SLC18A2: variants seen among roughly 807,000 people sequenced by gnomAD.
The protein encoded by SLC18A2 is solute carrier family 18 member A2, also known as synaptic vesicular amine transporter.
Under a neutral mutation model 59.2 loss-of-function variants are expected in SLC18A2, and 33 were observed. The ratio of observed to expected loss-of-function variants is 0.56; its 90% CI spans 0.42 to 0.75. SLC18A2 has a LOEUF of 0.75. Ranked by LOEUF, SLC18A2 falls within the 30% of genes least tolerant of loss-of-function variation. The pLI is 0.00. For synonymous variants in SLC18A2, 228 were observed against 253.5 expected (o/e 0.90, Z 0.95); for missense variants, 569 against 668.6 (o/e 0.85, Z 1.64).
chr10:117,241,676 C>T lies in SLC18A2; in HGVS notation c.-15-3C>T. 1 of 1,564,628 alleles carries T rather than the reference C, an allele frequency of 6.4e-7. No individual in the cohort carries two copies. Among genetic ancestry groups the T allele is most frequent in the Non-Finnish European group, 8.6e-7 (1 of 1,157,682 alleles). ...GGGTCCTCACCGCGCACCGCGCCCG[C>T]AGCGGAGCCCCGGAGCCATGGCCCT... On this transcript the variant is annotated splice_region_variant and splice_polypyrimidine_tract_variant and intron_variant, in intron 1 of 15. Transcript: ENST00000644641.
At chr10:117,260,875 C>T (rs769333056) in intron 10 of SLC18A2, among the ~76,000 whole-genome samples, 1 of 152,202 alleles carries the variant, frequency 6.6e-6, no homozygotes, top group Non-Finnish European at 1.5e-5. Context: ...CCTCAGAAAG[C>T]ACATCTGGAC....
chr10:117,264,088 C>T (rs1209709774), intron 10 of SLC18A2, among the ~76,000 whole-genome samples: 2 of 152,224 alleles, frequency 1.3e-5, no homozygotes, highest in African/African-American at 2.4e-5. Context: ...CATCTCCCCG[C>T]AGGCTTCGTG....
chr10:117,250,997 GC>G (rs1439262001), intron 3 of SLC18A2, among the ~76,000 whole-genome samples: 6 of 152,188 alleles, frequency 3.9e-5, no homozygotes. Flanking sequence ...CAGTGTTTCT[GC>G]CTACAGTCTG....
intron 10 of SLC18A2, among the ~76,000 whole-genome samples, chr10:117,265,378 T>C (rs1282013327): frequency 6.6e-6 from 1 of 152,122 alleles, no homozygotes; most frequent in Non-Finnish European, 1.5e-5. Context: ...CCAGGCCCCA[T>C]GCATTTTGAG....
intron 10 of SLC18A2, among the ~76,000 whole-genome samples, chr10:117,262,141 G>C (rs1007439086): frequency 6.6e-6 from 1 of 152,118 alleles, no homozygotes; most frequent in Non-Finnish European, 1.5e-5. Context: ...TCCTGACTTC[G>C]TGATCCCCCT....
intron 9 of SLC18A2, among the ~76,000 whole-genome samples, chr10:117,256,352 T>C (rs1197899357): frequency 6.6e-6 from 1 of 152,118 alleles, no homozygotes; most frequent in East Asian, 1.9e-4. Flanking sequence ...CAGCCTTGTG[T>C]AGGTGTTGCT....
In SLC18A2 at chr10:117,255,496, C is replaced by G; in HGVS notation, c.808C>G (p.Leu270Val). 3 of 1,614,098 alleles carry G rather than the reference C, an allele frequency of 1.9e-6. No individual in the cohort carries two copies. Among genetic ancestry groups the G allele is most frequent in the Non-Finnish European group, 2.5e-6 (3 of 1,180,044 alleles). ...LLDGAIQLFV[L>V]QPSRVQPESQ... is the part of the protein sequence containing the mutation. ...TTTTTTAGCTATTCAGCTCTTTGTG[C>G]TCCAGCCGTCCCGGGTGCAGCCAGA... The change falls in exon 8 of 16, where the codon CTC becomes GTC. Residue 270 changes from leucine to valine, a missense_variant. Physicochemically the swap from Leu to Val is conservative, Grantham distance 32 (BLOSUM62 1). Around this residue, in one of 2 missense-constraint regions of SLC18A2, gnomAD observed 377 missense variants for 389.8 expected, o/e 0.97. Transcript: ENST00000644641.
rs944229823 is a variant in SLC18A2, at chr10:117,278,744, T to G, written c.*1478T>G. ...TCTAGGAAAGTAACACTTCGTTTCA[T>G]GAAGCTTTTCTGTGGGGCTTCGATT... On this transcript the variant is annotated 3_prime_UTR_variant, in exon 16 of 16. Transcript: ENST00000644641. 1.4e-4 allele frequency: 21 copies of G among 152,248 alleles called. No homozygotes were observed. The highest frequency in any genetic ancestry group is 5.1e-4 in the African/African-American group (21 of 41,466). 9.4% of individuals were successfully genotyped at this position (152,248 alleles called of 1,614,324 possible).
intron 12 of SLC18A2, chr10:117,267,247 T>C (rs363268): frequency 1.8e-6 from 1 of 558,412 alleles, no homozygotes; most frequent in East Asian, 3.0e-5. Context: ...ATTTAAAATG[T>C]TTTATTTCAC....
At position 117,277,290 on chromosome 10, in the gene SLC18A2, A is replaced by C. The variant is rs1326765354; in HGVS notation, c.*24A>C. ...GAGATGAGATCCTCAAAAATCATCA[A>C]AGTGTTTAATTGTATAAAACAGTGT... On this transcript the variant is annotated 3_prime_UTR_variant, in exon 16 of 16. Transcript: ENST00000644641. 2 of 1,422,628 alleles carry C rather than the reference A, an allele frequency of 1.4e-6. No homozygotes were observed. The highest frequency in any genetic ancestry group is 2.8e-5 in the African/African-American group (2 of 71,130). 88.1% of individuals were successfully genotyped at this position (1,422,628 alleles called of 1,614,324 possible).
At chr10:117,262,447 G>A (rs984544506) in intron 10 of SLC18A2, among the ~76,000 whole-genome samples, 4 of 152,170 alleles carry the variant, frequency 2.6e-5, no homozygotes, top group African/African-American at 7.2e-5. Flanking sequence ...ATCTGACACC[G>A]AGTCAGCAAA....
Position 117,277,240 on chromosome 10 carries a change from G to A in SLC18A2, c.1519G>A (p.Glu507Lys). ...QNNIQSYPIG[E>K]DEESESD is the part of the protein sequence containing the mutation. ...TAATATCCAGTCATATCCGATAGGTGAAGATGAAGAATCTGAAAGTGACTG... is the reference window on the plus strand; with the variant it reads ...TAATATCCAGTCATATCCGATAGGTAAAGATGAAGAATCTGAAAGTGACTG... Residue 507 changes from glutamate to lysine, a missense_variant, in exon 16 of 16, where the codon GAA becomes AAA. Coordinates refer to ENST00000644641, the MANE Select transcript of SLC18A2 (RefSeq NM_003054.6). 1.2e-6 allele frequency: 2 copies of A among 1,608,126 alleles called. No individual in the cohort carries two copies. Among genetic ancestry groups the A allele is most frequent in the Non-Finnish European group, 1.7e-6 (2 of 1,175,568 alleles).
Position 117,259,463 on chromosome 10 carries a change from C to T in SLC18A2, c.991+1571C>T, listed in dbSNP as rs150845494. ...TCTTCTGTTTCCTGTATTCCTTGCCCTTGACTGACTTCCTCCTTATTGCAG... is the reference window on the plus strand; with the variant it reads ...TCTTCTGTTTCCTGTATTCCTTGCCTTTGACTGACTTCCTCCTTATTGCAG... On this transcript the variant is annotated intron_variant, in intron 10 of 15. Coordinates refer to ENST00000644641, the MANE Select transcript of SLC18A2 (RefSeq NM_003054.6). Among the ~76,000 whole-genome samples, 7 of 152,296 alleles carry T rather than the reference C, an allele frequency of 4.6e-5. No individual in the cohort carries two copies. In the East Asian group the frequency reaches 7.7e-4, roughly 17 times the overall value.
chr10:117,270,460 A>C lies in SLC18A2; in HGVS notation c.1437A>C (p.Lys479Asn). ...GAAGTCCACCTGCCAAAGAAGAAAA[A>C]ATGGTAAGAAAAATTTAGGATGCAG... Reference protein sequence around the residue: ...FLRSPPAKEEKMAILMDHNCP... With the variant: ...FLRSPPAKEENMAILMDHNCP... The change falls in exon 15 of 16, where the codon AAA becomes AAC. Residue 479 changes from lysine (K) to asparagine (N), a missense_variant. Coordinates refer to ENST00000644641, the MANE Select transcript of SLC18A2 (RefSeq NM_003054.6). 1.2e-6 allele frequency: 2 copies of C among 1,613,454 alleles called. No individual in the cohort carries two copies. The highest frequency in any genetic ancestry group is 8.5e-7 in the Non-Finnish European group (1 of 1,179,890).
chr10:117,266,723 A>G lies in SLC18A2; in HGVS notation c.992-10A>G. Reference sequence around the variant, plus strand: ...AGCACTGATAAGGTCTCCTTTTCATAAATTTACAGGCGTTGCCTTCTTGCC... The same window carrying G: ...AGCACTGATAAGGTCTCCTTTTCATGAATTTACAGGCGTTGCCTTCTTGCC... On this transcript the variant is annotated splice_polypyrimidine_tract_variant and intron_variant, in intron 10 of 15. Transcript: ENST00000644641. 6.2e-7 allele frequency: 1 copy of G among 1,608,366 alleles called. No individual in the cohort carries two copies. The highest frequency in any genetic ancestry group is 8.5e-7 in the Non-Finnish European group (1 of 1,175,780).
At chr10:117,270,558 C>A (rs1844413590) in intron 15 of SLC18A2, 95 bp downstream of exon 15, 2 of 1,411,434 alleles carry the variant, frequency 1.4e-6, no homozygotes, top group Non-Finnish European at 9.7e-7. Context: ...AGCCTTCAAA[C>A]ATAAATGGTG....
At chr10:117,244,944 T>A (rs749281792) in intron 3 of SLC18A2, among the ~76,000 whole-genome samples, 37 of 152,392 alleles carry the variant, frequency 2.4e-4, no homozygotes, top group Non-Finnish European at 5.0e-4. Context: ...TAATCCAAGC[T>A]GCCCAAACTA....
intron 10 of SLC18A2, among the ~76,000 whole-genome samples, chr10:117,263,544 G>A (rs1037423379): frequency 2.6e-5 from 4 of 152,156 alleles, no homozygotes; most frequent in South Asian, 2.1e-4. Context: ...CATCTTCCAC[G>A]TCGCTCCCTT....
intron 10 of SLC18A2, among the ~76,000 whole-genome samples, chr10:117,262,164 C>T (rs1455311735): frequency 2.6e-5 from 4 of 152,138 alleles, no homozygotes; most frequent in African/African-American, 9.7e-5. Flanking sequence ...CTCAGCCTCC[C>T]GAAGTGCTGG....
Sources: gnomAD v4.1 joint callset for allele counts (sites outside exome capture counted in the v4.1 genomes callset) on GRCh38, gnomAD v4.1.1 for gene constraint, gnomAD v4.1.1 regional missense constraint, MANE v1.5 for transcripts, NCBI Gene and HGNC (gene_info 2026-07-23, HGNC 2026-07-21) for gene names.